The following SNX29 variants were observed in gnomAD, a reference collection of about 807,000 sequenced individuals.
The protein encoded by SNX29 is sorting nexin 29.
SNX29 carries 78 observed loss-of-function variants against 102.1 expected under a neutral mutation model. The observed-to-expected ratio is 0.76, with a 90% CI of 0.64 to 0.92. The LOEUF is 0.92. Ranked by LOEUF, SNX29 falls within the 40% of genes least tolerant of loss-of-function variation. The pLI is 0.00. For synonymous variants in SNX29, 580 were observed against 414.5 expected, an observed-to-expected ratio of 1.40 and a Z score of -4.85; for missense variants, 1,280 against 1,061.7, an observed-to-expected ratio of 1.21 and a Z score of -2.86.
intron 10 of SNX29, among the ~76,000 whole-genome samples, chr16:12,069,762 C>T (rs1567178603): frequency 6.6e-6 from 1 of 152,224 alleles, no homozygotes; most frequent in Non-Finnish European, 1.5e-5. Context: ...GCAATCTCGG[C>T]TCACCGCAAG....
chr16:12,468,020 G>T (rs1018368433), intron 18 of SNX29, among the ~76,000 whole-genome samples: 1 of 152,030 alleles, frequency 6.6e-6, no homozygotes, highest in Non-Finnish European at 1.5e-5. Flanking sequence ...GTCACCTCCA[G>T]TATCGTCTTG....
chr16:12,417,901 C>G lies in SNX29; in HGVS notation c.2037+14372C>G, dbSNP rs144026700. Among the ~76,000 whole-genome samples the G allele has an allele frequency of 4.6e-5, 7 of 152,304 alleles. No individual in the cohort carries two copies. In the East Asian group the frequency reaches 1.4e-3, roughly 29 times the overall value. ...TGTATGCCGACAGCGAGTGAGCTTTCTCTGCCTGCAGTAATTGGATGGCTT... is the reference window on the plus strand; with the variant it reads ...TGTATGCCGACAGCGAGTGAGCTTTGTCTGCCTGCAGTAATTGGATGGCTT... On this transcript the variant is annotated intron_variant, in intron 18 of 20. Transcript: ENST00000566228.
chr16:12,004,567 G>A (rs1403273156), intron 3 of SNX29, among the ~76,000 whole-genome samples: 1 of 152,170 alleles, frequency 6.6e-6, no homozygotes, highest in African/African-American at 2.4e-5. Context: ...TCCTGTGTGG[G>A]AAGGAAAGGG....
At chr16:12,034,346 C>A (rs905752313) in intron 4 of SNX29, among the ~76,000 whole-genome samples, 31 of 152,204 alleles carry the variant, frequency 2.0e-4, no homozygotes, top group African/African-American at 3.4e-4. Flanking sequence ...CTTTTGTATT[C>A]ATGCACGTGC....
intron 13 of SNX29, among the ~76,000 whole-genome samples, chr16:12,172,946 G>C (rs1236299352): frequency 2.6e-5 from 4 of 152,216 alleles, no homozygotes; most frequent in African/African-American, 7.2e-5. Flanking sequence ...GAAGTCAGGT[G>C]AAATATGGAG....
At position 12,552,797 on chromosome 16, in the gene SNX29, C is replaced by G. The variant is rs558838344; in HGVS notation, c.2319-15709C>G. Among the ~76,000 whole-genome samples the G allele has an allele frequency of 2.0e-5, 3 of 152,210 alleles. No homozygotes were observed. In the South Asian group the frequency reaches 6.2e-4, roughly 32 times the overall value. ...TCTCAGCTCTGGGCTTTCAGTCATCCTGGAGGAGAGAACAGCCAACAGTGT... is the reference window on the plus strand; with the variant it reads ...TCTCAGCTCTGGGCTTTCAGTCATCGTGGAGGAGAGAACAGCCAACAGTGT... On this transcript the variant is annotated intron_variant, in intron 20 of 20. Transcript: ENST00000566228.
At chr16:12,506,628 A>G (rs189626965) in intron 19 of SNX29, among the ~76,000 whole-genome samples, 1 of 152,254 alleles carries the variant, frequency 6.6e-6, no homozygotes, top group African/African-American at 2.4e-5. Flanking sequence ...GAAAGAAATC[A>G]CTGAGCTTTC....
At position 12,391,610 on chromosome 16, in the gene SNX29, CATCT is replaced by C. The variant is rs550133770; in HGVS notation, c.1900-6833_1900-6830del. On this transcript the variant is annotated intron_variant, in intron 16 of 20. Coordinates refer to ENST00000566228, the MANE Select transcript of SNX29 (RefSeq NM_032167.5). ...TTTATCATCTGTTTTTTTATCCATC[CATCT>C]ATGCGTGCATCCATCCATCCATTCA... 4.9e-4 allele frequency among the ~76,000 whole-genome samples: 75 copies of C among 152,254 alleles called. 1 individual carries two copies. The South Asian group carries it at 0.012, about 24-fold the overall frequency.
At position 12,492,705 on chromosome 16, in the gene SNX29, G is replaced by C. The variant is rs111477731; in HGVS notation, c.2178+14846G>C. On this transcript the variant is annotated intron_variant, in intron 19 of 20. Transcript: ENST00000566228. The stretch of plus-strand genomic sequence containing the variant: ...TTTAATGCATCTTGAATTAATTTTT[G>C]TATAAGGTGTAAGGAAGGGATCCAG... Among the ~76,000 whole-genome samples, 557 of 152,232 alleles carry C rather than the reference G, an allele frequency of 3.7e-3. 9 individuals are homozygous for C. Among genetic ancestry groups the C allele is most frequent in the African/African-American group, 0.013 (522 of 41,532 alleles).
At position 12,042,882 on chromosome 16, in the gene SNX29, G is replaced by A. The variant is rs1333470063; in HGVS notation, c.248-15G>A. On this transcript the variant is annotated splice_polypyrimidine_tract_variant and intron_variant, in intron 4 of 20. Transcript: ENST00000566228. ...CCCAGGCCGAGTGCCAGGCGCCTGT[G>A]CCCTCTCTCCGTAGAGCCCGTGTTC... 6 of 1,594,150 alleles carry A rather than the reference G, an allele frequency of 3.8e-6. No individual in the cohort carries two copies. The highest frequency in any genetic ancestry group is 4.5e-5 in the East Asian group (2 of 44,534).
intron 18 of SNX29, among the ~76,000 whole-genome samples, chr16:12,438,877 G>A (rs551854977): frequency 1.3e-5 from 2 of 152,338 alleles, no homozygotes; most frequent in South Asian, 4.1e-4. Context: ...AGCCGGGCCT[G>A]TTGGAAGAAC....
intron 20 of SNX29, among the ~76,000 whole-genome samples, chr16:12,543,210 C>T (rs2077423301): frequency 6.6e-6 from 1 of 152,348 alleles, no homozygotes; most frequent in Middle Eastern, 3.4e-3. Flanking sequence ...CATCACGTTG[C>T]TCCTGATAGC....
intron 14 of SNX29, among the ~76,000 whole-genome samples, chr16:12,226,975 C>T (rs1048531843): frequency 7.2e-5 from 11 of 152,108 alleles, no homozygotes; most frequent in African/African-American, 1.7e-4. Context: ...TAATCGAGAC[C>T]GGATTTGAAT....
At chr16:12,044,828 G>T (rs750314082) in intron 5 of SNX29, among the ~76,000 whole-genome samples, 1 of 152,112 alleles carries the variant, frequency 6.6e-6, no homozygotes, top group African/African-American at 2.4e-5. Flanking sequence ...TGATCCTCCC[G>T]CCTCGGCCTC....
intron 19 of SNX29, among the ~76,000 whole-genome samples, chr16:12,483,748 CT>C (rs2088089284): frequency 6.6e-6 from 1 of 152,210 alleles, no homozygotes; most frequent in South Asian, 2.1e-4. Context: ...GCTCTGGGCT[CT>C]GCTCATCACA....
intron 20 of SNX29, among the ~76,000 whole-genome samples, chr16:12,540,952 C>T (rs754257627): frequency 6.6e-6 from 1 of 152,002 alleles, no homozygotes; most frequent in Non-Finnish European, 1.5e-5. Flanking sequence ...GTCAGGCTGC[C>T]TGTAGTTCAG....
intron 14 of SNX29, among the ~76,000 whole-genome samples, chr16:12,265,007 TTTTCTGTTTTTGTTTTTG>T (rs1203931095): frequency 6.6e-6 from 1 of 152,174 alleles, no homozygotes; most frequent in African/African-American, 2.4e-5. Flanking sequence ...GAATGAGCTG[TTTTCTGTTTTTGTTTTTG>T]TTTCTGTTTG....
chr16:12,238,902 G>T (rs902534534), intron 14 of SNX29, among the ~76,000 whole-genome samples: 8 of 152,174 alleles, frequency 5.3e-5, no homozygotes, highest in East Asian at 1.9e-4. Context: ...CCTCAGGTTG[G>T]TCTAAGATGC....
intron 18 of SNX29, among the ~76,000 whole-genome samples, chr16:12,417,471 G>A (rs912501256): frequency 1.3e-5 from 2 of 152,306 alleles, no homozygotes; most frequent in Non-Finnish European, 2.9e-5. Context: ...TGGGTCAGAG[G>A]GGGTGGGTGG....
Sources: allele counts gnomAD v4.1 joint callset (sites outside exome capture counted in the v4.1 genomes callset), GRCh38; gene constraint gnomAD v4.1.1; transcripts MANE v1.5; gene names NCBI Gene and HGNC (gene_info 2026-07-23, HGNC 2026-07-21).